Variants in TNPO3 observed in about 807,000 individuals in gnomAD.
TNPO3 encodes transportin-3.
Under a neutral mutation model 122.8 loss-of-function variants are expected in TNPO3, and 65 were observed. The observed-to-expected ratio is 0.53, with a 90% CI of 0.43 to 0.65. The LOEUF is 0.65. Among genes scored for constraint, TNPO3 ranks in the 30% least tolerant of loss-of-function variants. TNPO3 has a pLI of 0.00. For missense variants in TNPO3, 850 were observed against 1,136.7 expected (o/e 0.75, Z 3.63); for synonymous variants, 372 against 411.2 (o/e 0.90, Z 1.15).
At chr7:128,959,945 C>T (rs1797277503) in intron 21 of TNPO3, among the ~76,000 whole-genome samples, 1 of 152,094 alleles carries the variant, frequency 6.6e-6, no homozygotes, top group Non-Finnish European at 1.5e-5. Context: ...CGCTTGAACC[C>T]AGGGGGTGGA....
At chr7:128,994,973 A>AT (rs1411889938) in intron 8 of TNPO3, among the ~76,000 whole-genome samples, 8 of 151,818 alleles carry the variant, frequency 5.3e-5, no homozygotes, top group Non-Finnish European at 1.0e-4. Context: ...AATTTTTAAA[A>AT]TTTTTTTATA....
chr7:129,015,979 T>C (rs1174299240), intron 3 of TNPO3, among the ~76,000 whole-genome samples: 1 of 151,656 alleles, frequency 6.6e-6, no homozygotes, highest in Admixed American at 6.6e-5. Context: ...CTCAGGAGGC[T>C]GAGGTGGGAG....
At chr7:129,032,783 C>A (rs192939633) in intron 1 of TNPO3, among the ~76,000 whole-genome samples, 19 of 152,286 alleles carry the variant, frequency 1.2e-4, no homozygotes, top group Admixed American at 1.2e-3. Context: ...TACTACCCAA[C>A]ATAATCTACA....
At chr7:128,997,757 C>A (rs1245092281) in intron 7 of TNPO3, among the ~76,000 whole-genome samples, 1 of 152,184 alleles carries the variant, frequency 6.6e-6, no homozygotes, top group African/African-American at 2.4e-5. Context: ...GCTTTACATT[C>A]CATTTAGTCC....
intron 1 of TNPO3, among the ~76,000 whole-genome samples, chr7:129,049,778 G>A (rs1398452050): frequency 6.6e-5 from 10 of 152,172 alleles, no homozygotes; most frequent in East Asian, 3.8e-4. Flanking sequence ...TAGCAGATCC[G>A]AAAAGGCTGA....
At chr7:128,982,154 G>A in intron 14 of TNPO3, 94 bp downstream of exon 14, 2 of 1,055,454 alleles carry the variant, frequency 1.9e-6, no homozygotes, top group Admixed American at 4.4e-5. Context: ...GAGATACTTG[G>A]AAGTATGAGG....
chr7:128,957,579 C>A (rs1343337593), intron 21 of TNPO3, among the ~76,000 whole-genome samples: 1 of 152,168 alleles, frequency 6.6e-6, no homozygotes, highest in African/African-American at 2.4e-5. Flanking sequence ...CTCCACTGTG[C>A]CCTTGAACAA....
Position 128,979,117 on chromosome 7 carries a change from G to T in TNPO3, c.1927C>A (p.Pro643Thr). Residue 643 changes from proline (P) to threonine (T), a missense_variant, in exon 16 of 23, where the codon CCA (proline) becomes ACA (threonine). Pro to Thr is a conservative substitution (Grantham distance 38, BLOSUM62 -1). Coordinates refer to ENST00000265388, the MANE Select transcript of TNPO3 (RefSeq NM_012470.4). ...PCQKVIQEIW[P>T]VLSETLNKHR... The stretch of plus-strand genomic sequence containing the variant: ...TTATTTAGAGTCTCGGATAAAACTG[G>T]CCATATCTGGGTCAAAAGTAAAAGA... 6.2e-7 allele frequency: 1 copy of T among 1,613,962 alleles called. No individual in the cohort carries two copies.
intron 12 of TNPO3, 90 bp from the exon 13 acceptor site, chr7:128,984,349 G>A (rs547901104): frequency 1.0e-5 from 8 of 764,448 alleles, no homozygotes; most frequent in Admixed American, 7.3e-5. Context: ...CAGAAAAAGC[G>A]AACTGGTTTG....
intron 12 of TNPO3, among the ~76,000 whole-genome samples, 183 bp from the exon 13 acceptor site, chr7:128,984,442 A>G (rs1799942884): frequency 6.6e-6 from 1 of 152,134 alleles, no homozygotes; most frequent in African/African-American, 2.4e-5. Flanking sequence ...TTTATTCTTT[A>G]TTGGGCTCAG....
intron 1 of TNPO3, among the ~76,000 whole-genome samples, chr7:129,030,754 A>G (rs1206234190): frequency 2.6e-5 from 4 of 151,992 alleles, no homozygotes; most frequent in Non-Finnish European, 5.9e-5. Flanking sequence ...ACTAGGATAT[A>G]GGTCACACAT....
intron 1 of TNPO3, among the ~76,000 whole-genome samples, chr7:129,050,321 T>C (rs1808576526): frequency 6.8e-6 from 1 of 146,260 alleles, no homozygotes; most frequent in Admixed American, 6.9e-5. Flanking sequence ...GAGGCGGAGC[T>C]TGCAGTGAGC....
intron 4 of TNPO3, among the ~76,000 whole-genome samples, chr7:129,011,051 C>T (rs981756261): frequency 2.6e-5 from 4 of 152,138 alleles, no homozygotes; most frequent in African/African-American, 7.2e-5. Flanking sequence ...GAATTCATTA[C>T]ATATAACGAA....
Position 128,955,000 on chromosome 7 carries a change from C to T in TNPO3, c.*417G>A. 4.3e-6 allele frequency: 1 copy of T among 230,116 alleles called. No homozygotes were observed. The allele number at this position is 230,116 out of a possible 1,614,324, so 14.3% of individuals were successfully genotyped here. ...TTGTTTTTCTGTGTACACGTGCGCA[C>T]TGGCGCTTGTGCGTGTATGTGTGTG... is the stretch of plus-strand genomic sequence containing the variant. On this transcript the variant is annotated 3_prime_UTR_variant, in exon 23 of 23. Transcript: ENST00000265388.
intron 5 of TNPO3, among the ~76,000 whole-genome samples, chr7:129,002,417 G>C (rs1563099489): frequency 6.6e-6 from 1 of 152,224 alleles, no homozygotes. Context: ...TTCTAGTGAA[G>C]AGAGTACAGT....
chr7:128,957,359 C>G (rs1468693269), intron 21 of TNPO3, 44 bp from the exon 22 acceptor site: 9 of 1,602,612 alleles, frequency 5.6e-6, no homozygotes, highest in South Asian at 2.2e-5. Context: ...AGGAGAAAGA[C>G]AGAATATGCT....
chr7:129,050,685 T>A (rs1182364958), intron 1 of TNPO3, among the ~76,000 whole-genome samples: 2 of 152,164 alleles, frequency 1.3e-5, no homozygotes, highest in Non-Finnish European at 2.9e-5. Context: ...CATACTTAGT[T>A]GTGAGATCCA....
chr7:128,987,826 A>G (rs1800327751), intron 11 of TNPO3, among the ~76,000 whole-genome samples: 1 of 151,964 alleles, frequency 6.6e-6, no homozygotes, highest in South Asian at 2.1e-4. Flanking sequence ...TGATACGCCT[A>G]CCTCAGCCTC....
At chr7:128,987,521 T>C in intron 11 of TNPO3, among the ~76,000 whole-genome samples, 1 of 152,246 alleles carries the variant, frequency 6.6e-6, no homozygotes, top group South Asian at 2.1e-4. Flanking sequence ...ATTCTACTCA[T>C]CTTTTTATCT....
Sources: gnomAD v4.1 joint callset for allele counts (sites outside exome capture counted in the v4.1 genomes callset) on GRCh38, gnomAD v4.1.1 for gene constraint, MANE v1.5 for transcripts, NCBI Gene and HGNC (gene_info 2026-07-23, HGNC 2026-07-21) for gene names.